RREB1: variants seen among roughly 807,000 people sequenced by gnomAD.
RREB1 encodes the protein ras-responsive element-binding protein 1.
RREB1 carries 27 observed loss-of-function variants against 117.8 expected under a neutral mutation model. The ratio of observed to expected loss-of-function variants is 0.23; its 90% confidence interval spans 0.17 to 0.32. The LOEUF (loss-of-function observed/expected upper bound fraction) is 0.32, where lower values mean the gene tolerates loss of function less well. Ranked by LOEUF, RREB1 falls within the 10% of genes least tolerant of loss-of-function variation. RREB1 has a pLI of 1.00. For synonymous variants in RREB1, 1,298 were observed against 1,026.7 expected (o/e 1.26, Z -5.05); for missense variants, 2,577 against 2,378.2 (o/e 1.08, Z -1.74).
At chr6:7,247,661 G>C (rs1199392917) in intron 12 of RREB1, among the ~76,000 whole-genome samples, 1 of 152,178 alleles carries the variant, frequency 6.6e-6, no homozygotes, top group Non-Finnish European at 1.5e-5. Context: ...TGATCCATTA[G>C]GGTCAGGAGG....
rs779116484 is a variant in RREB1 at position 7,229,658 on chromosome 6, C to T, written c.1559C>T (p.Ala520Val). 6.2e-7 allele frequency: 1 copy of T among 1,611,910 alleles called. No homozygotes were observed. The change falls in exon 10 of 13, where the codon GCC becomes GTC. Residue 520 changes from alanine (A) to valine (V), a missense_variant. Physicochemically the swap from Ala to Val is moderately conservative, Grantham distance 64. Coordinates refer to ENST00000379938, the MANE Select transcript of RREB1 (RefSeq NM_001003699.4). The surrounding 1 kb of genome is among the most constrained non-coding windows in gnomAD (Gnocchi z 4.5). Reference protein sequence around the residue: ...KPLVTPRTVVATSTPPPLINA... With the variant: ...KPLVTPRTVVVTSTPPPLINA... ...CTGGTCACACCACGGACGGTGGTGG[C>T]CACCTCCACGCCCCCGCCTCTCATC...
chr6:7,118,801 ATTTTTTTTTTTTTT>A (rs70978942), intron 1 of RREB1, among the ~76,000 whole-genome samples: 1 of 47,056 alleles, frequency 2.1e-5, no homozygotes, highest in Non-Finnish European at 3.6e-5. Flanking sequence ...GTTTTTTTTA[ATTTTTTTTTTTTTT>A]TTTTTTTTTT....
At chr6:7,120,703 G>A (rs1435986046) in intron 1 of RREB1, among the ~76,000 whole-genome samples, 1 of 150,130 alleles carries the variant, frequency 6.7e-6, no homozygotes, top group Non-Finnish European at 1.5e-5. Flanking sequence ...ACAAGGCCTC[G>A]CTCTGTCAAC....
chr6:7,116,604 T>A (rs1200616879), intron 1 of RREB1, among the ~76,000 whole-genome samples: 1 of 152,254 alleles, frequency 6.6e-6, no homozygotes, highest in Non-Finnish European at 1.5e-5. Context: ...TAGCCACATG[T>A]AATTTGGAAG....
In RREB1 at chr6:7,249,093, G is replaced by GAGAGAGAGAGAGAC; in HGVS notation, c.*136_*137insGACAGAGAGAGAGA. On this transcript the variant is annotated 3_prime_UTR_variant, in exon 13 of 13. Transcript: ENST00000379938. ...AGAGAGAGAGAGAGAGAGAGAGAGA[G>GAGAGAGAGAGAGAC]AGAGAGAGAGACAAGCAGGAGCGTG... The GAGAGAGAGAGAGAC allele has an allele frequency of 1.3e-6, 1 of 758,712 alleles. No homozygotes were observed. The highest frequency in any genetic ancestry group is 1.8e-5 in the African/African-American group (1 of 54,566). 47.0% of individuals were successfully genotyped at this position (758,712 alleles called of 1,614,324 possible). A position where few individuals can be genotyped will look rare whatever the true frequency, so the allele number is the denominator to read the frequency against.
intron 11 of RREB1, among the ~76,000 whole-genome samples, chr6:7,242,993 C>T (rs531846693): frequency 2.6e-5 from 4 of 152,270 alleles, no homozygotes; most frequent in Admixed American, 2.0e-4. Context: ...GTCCTTCCTC[C>T]GATGATGCCC....
At position 7,230,783 on chromosome 6, in the gene RREB1, A is replaced by G. The variant is rs1387624325; in HGVS notation, c.2684A>G (p.Asp895Gly). The change falls in exon 10 of 13, where the codon GAC becomes GGC. Residue 895 changes from aspartate to glycine, a missense_variant. Transcript: ENST00000379938. ...KLEPASSFAVDFNEPLDFSQK... is the reference protein window; with the variant it reads ...KLEPASSFAVGFNEPLDFSQK... ...GAGCCCGCCAGTAGCTTTGCGGTGG[A>G]CTTCAATGAGCCCCTGGACTTCTCG... is the stretch of plus-strand genomic sequence containing the variant. 6.2e-7 allele frequency: 1 copy of G among 1,613,400 alleles called. No individual in the cohort carries two copies. Among genetic ancestry groups the G allele is most frequent in the East Asian group, 2.2e-5 (1 of 44,868 alleles).
intron 3 of RREB1, 79 bp from the exon 4 acceptor site, chr6:7,181,791 G>A: frequency 3.1e-6 from 3 of 966,828 alleles, no homozygotes; most frequent in South Asian, 1.3e-5. Flanking sequence ...TACAATTAGA[G>A]TAGCCATGGC....
intron 8 of RREB1, among the ~76,000 whole-genome samples, chr6:7,224,037 T>A (rs1767441274): frequency 1.8e-5 from 1 of 56,438 alleles, no homozygotes; most frequent in Non-Finnish European, 3.2e-5. Flanking sequence ...GGACAGAATA[T>A]TTTTTTTTTA....
intron 1 of RREB1, among the ~76,000 whole-genome samples, chr6:7,128,812 T>C (rs1035985597): frequency 1.3e-5 from 2 of 152,030 alleles, no homozygotes; most frequent in Non-Finnish European, 2.9e-5. Context: ...CTATTAAAAA[T>C]AGAAAAATTA....
At chr6:7,224,608 G>T (rs1313524915) in intron 8 of RREB1, among the ~76,000 whole-genome samples, 2 of 152,168 alleles carry the variant, frequency 1.3e-5, no homozygotes, top group African/African-American at 4.8e-5. Context: ...TGTGTGCACA[G>T]CTCAGAGCTT....
chr6:7,212,550 A>G (rs1480906957), intron 8 of RREB1: 1 of 152,222 alleles, frequency 6.6e-6, no homozygotes, highest in African/African-American at 2.4e-5. Flanking sequence ...GAAAGAACAA[A>G]GAACTACTTA....
intron 1 of RREB1, among the ~76,000 whole-genome samples, chr6:7,144,430 A>G (rs1185927416): frequency 6.6e-6 from 1 of 152,228 alleles, no homozygotes; most frequent in Non-Finnish European, 1.5e-5. Context: ...GTGGTATTGA[A>G]GAGTATTTAT....
chr6:7,159,918 G>A (rs1458707137), intron 1 of RREB1, among the ~76,000 whole-genome samples: 1 of 152,120 alleles, frequency 6.6e-6, no homozygotes, highest in East Asian at 1.9e-4. Flanking sequence ...TCTTGCACTT[G>A]TCTACAGAAC....
intron 11 of RREB1, among the ~76,000 whole-genome samples, chr6:7,245,695 C>T (rs1768962921): frequency 6.6e-6 from 1 of 152,138 alleles, no homozygotes; most frequent in South Asian, 2.1e-4. Flanking sequence ...ACCCAGAACC[C>T]CTTGTCTTCA....
intron 2 of RREB1, among the ~76,000 whole-genome samples, chr6:7,178,088 G>T (rs1764597809): frequency 6.6e-6 from 1 of 152,020 alleles, no homozygotes; most frequent in Non-Finnish European, 1.5e-5. Context: ...TCAAATTCCT[G>T]GCCTCAAGCC....
intron 1 of RREB1, among the ~76,000 whole-genome samples, chr6:7,172,713 T>G (rs9505060): frequency 0.29 from 42,946 of 150,114 alleles, 7,788 homozygotes; most frequent in African/African-American, 0.52. Context: ...GGTGACTTTC[T>G]TGGGTTGCCG....
intron 1 of RREB1, among the ~76,000 whole-genome samples, 153 bp from the exon 2 acceptor site, chr6:7,176,502 G>T (rs1470924698): frequency 6.6e-6 from 1 of 152,216 alleles, no homozygotes; most frequent in Non-Finnish European, 1.5e-5. Context: ...AACTCTGGAT[G>T]GAATCAGCCT....
intron 1 of RREB1, among the ~76,000 whole-genome samples, chr6:7,146,618 A>G (rs1379959801): frequency 2.0e-5 from 3 of 152,140 alleles, no homozygotes; most frequent in African/African-American, 7.2e-5. Context: ...GTTTGTGTCC[A>G]TTCACTCCGT....
Sources: allele counts gnomAD v4.1 joint callset (sites outside exome capture counted in the v4.1 genomes callset), GRCh38; gene constraint gnomAD v4.1.1; non-coding constraint Gnocchi (gnomAD v3.1); transcripts MANE v1.5; gene names NCBI Gene and HGNC (gene_info 2026-07-23, HGNC 2026-07-21).